DGKD: variants seen among roughly 807,000 people sequenced by gnomAD.
DGKD encodes the protein DAG kinase delta.
Under a neutral mutation model 154.4 loss-of-function variants are expected in DGKD, and 68 were observed. The ratio of observed to expected loss-of-function variants is 0.44; its 90% CI spans 0.36 to 0.54. The LOEUF is 0.54. Among genes scored for constraint, DGKD ranks in the 20% least tolerant of loss-of-function variants. The pLI is 0.00. For missense variants in DGKD, 1,343 were observed against 1,593.6 expected, an observed-to-expected ratio of 0.84 and a Z score of 2.68; for synonymous variants, 693 against 638.0, an observed-to-expected ratio of 1.09 and a Z score of -1.30.
At chr2:233,447,717 T>TTTC in intron 12 of DGKD, 1 of 1,086,448 alleles carries the variant, frequency 9.2e-7, no homozygotes, top group South Asian at 2.6e-5. Flanking sequence ...CACAGCCAGG[T>TTTC]GGAAACAGCC....
intron 3 of DGKD, among the ~76,000 whole-genome samples, chr2:233,415,243 A>C (rs563013714): frequency 6.6e-5 from 10 of 152,074 alleles, no homozygotes; most frequent in Non-Finnish European, 1.3e-4. Flanking sequence ...AGGACATGGG[A>C]CTCCTTAGCC....
intron 5 of DGKD, among the ~76,000 whole-genome samples, 196 bp from the exon 6 acceptor site, chr2:233,435,622 C>T (rs2062664108): frequency 6.6e-6 from 1 of 152,190 alleles, no homozygotes; most frequent in Admixed American, 6.5e-5. Flanking sequence ...CTTACTGATC[C>T]CCAGCTTTCC....
At position 233,457,059 on chromosome 2, in the gene DGKD, A is replaced by T. The variant is rs2063483518; in HGVS notation, c.2472+64A>T. 1 of 1,422,890 alleles carries T rather than the reference A, an allele frequency of 7.0e-7. No individual in the cohort carries two copies. Among genetic ancestry groups the T allele is most frequent in the Non-Finnish European group, 9.9e-7 (1 of 1,006,666 alleles). 88.1% of individuals were successfully genotyped at this position (1,422,890 alleles called of 1,614,324 possible). A position where few individuals can be genotyped will look rare whatever the true frequency, so the allele number is the denominator to read the frequency against. ...CATCCATCAGCAGACTGCCAGGCCT[A>T]TTGCTTCTCCTGTTGACCATTTCCT... On this transcript the variant is annotated intron_variant, in intron 20 of 29. Transcript: ENST00000264057. This position sits in a 1 kb window ranked among gnomAD's most constrained non-coding sequence, Gnocchi z 5.5.
intron 3 of DGKD, among the ~76,000 whole-genome samples, chr2:233,423,784 C>T (rs1455461661): frequency 6.6e-6 from 1 of 152,076 alleles, no homozygotes; most frequent in African/African-American, 2.4e-5. Context: ...CCTGGAAGAG[C>T]AGGCTTTTGT....
At chr2:233,392,974 A>G (rs1469184716) in intron 3 of DGKD, among the ~76,000 whole-genome samples, 1 of 152,204 alleles carries the variant, frequency 6.6e-6, no homozygotes, top group Non-Finnish European at 1.5e-5. Context: ...TTGTTTTTAA[A>G]GAGAACTAGT....
rs748734501 is a variant in DGKD, at chr2:233,460,238, C to T, written c.2874C>T (p.Cys958=). The change falls in exon 24 of 30, where the codon TGC becomes TGT. Residue 958 remains cysteine (C), a synonymous_variant. Transcript: ENST00000264057. ...TLKSWEDKQK[C]ELPRPPSCSL... is the part of the protein sequence containing the mutation. ...AGTCCTGGGAAGACAAGCAGAAGTG[C>T]GAGCTGCCCCGCCCTCCATCCTGTT... 20 of 1,613,836 alleles carry T rather than the reference C, an allele frequency of 1.2e-5. No homozygotes were observed. Among genetic ancestry groups the T allele is most frequent in the South Asian group, 2.2e-5 (2 of 91,074 alleles).
At position 233,468,475 on chromosome 2, in the gene DGKD, C is replaced by T. The variant is rs753189489; in HGVS notation, c.3477C>T (p.Leu1159=). ...EVAAWLEHLS[L]CEYKDIFTRH... ...CTGCCTGGCTGGAGCACCTCAGTCT[C>T]TGTGAGTATAAGGACATCTTCACAC... is the stretch of plus-strand genomic sequence containing the variant. The change falls in exon 29 of 30, where the codon CTC becomes CTT. Residue 1159 remains leucine, a synonymous_variant. Transcript: ENST00000264057. 1.9e-6 allele frequency: 3 copies of T among 1,613,618 alleles called. No homozygotes were observed. The highest frequency in any genetic ancestry group is 2.5e-6 in the Non-Finnish European group (3 of 1,179,938).
intron 1 of DGKD, among the ~76,000 whole-genome samples, chr2:233,367,244 G>A (rs947880461): frequency 1.8e-4 from 18 of 102,068 alleles, no homozygotes; most frequent in Non-Finnish European, 6.2e-5. Flanking sequence ...TTTTTTTTTT[G>A]TTCAGACAGA....
chr2:233,464,796 G>A (rs2124957736), intron 27 of DGKD, among the ~76,000 whole-genome samples: 1 of 152,356 alleles, frequency 6.6e-6, no homozygotes, highest in Non-Finnish European at 1.5e-5. Flanking sequence ...CTTCTGCAGG[G>A]AGTGCTGGCT....
chr2:233,424,339 A>C (rs1035957761), intron 3 of DGKD, among the ~76,000 whole-genome samples: 1 of 152,228 alleles, frequency 6.6e-6, no homozygotes, highest in African/African-American at 2.4e-5. Flanking sequence ...GCTGTGATTC[A>C]GCCTGATGTC....
At chr2:233,376,197 T>C (rs1428294989) in intron 1 of DGKD, among the ~76,000 whole-genome samples, 1 of 152,206 alleles carries the variant, frequency 6.6e-6, no homozygotes, top group African/African-American at 2.4e-5. Context: ...AAATTCACTT[T>C]CAGAAAAAGT....
intron 3 of DGKD, among the ~76,000 whole-genome samples, chr2:233,418,988 T>G (rs1164478248): frequency 6.6e-6 from 1 of 152,134 alleles, no homozygotes; most frequent in African/African-American, 2.4e-5. Flanking sequence ...TGAGGAAGTC[T>G]GTTGTCTACG....
intron 1 of DGKD, among the ~76,000 whole-genome samples, chr2:233,359,833 C>T (rs1053249860): frequency 2.0e-5 from 3 of 152,294 alleles, no homozygotes; most frequent in Admixed American, 2.0e-4. Flanking sequence ...ATTAATAAAA[C>T]AATCACACAG....
chr2:233,430,381 C>G (rs1441899683), intron 3 of DGKD, among the ~76,000 whole-genome samples: 2 of 152,142 alleles, frequency 1.3e-5, no homozygotes, highest in African/African-American at 4.8e-5. Context: ...GAGTACTGTG[C>G]CACTGTTGAA....
At position 233,441,959 on chromosome 2, in the gene DGKD, C is replaced by T. The variant is rs780818370; in HGVS notation, c.1158C>T (p.Val386=). The change falls in exon 10 of 30, where the codon GTC becomes GTT. Residue 386 remains valine, a synonymous_variant. Coordinates refer to ENST00000264057, the MANE Select transcript of DGKD (RefSeq NM_152879.3). The surrounding 1 kb of genome is among the most constrained non-coding windows in gnomAD (Gnocchi z 5.6). ...GCGGGGATGGAAGTGTTGGCTGGGTCCTCTCCGAAATCGACAGCCTCAACC... is the reference window on the plus strand; with the variant it reads ...GCGGGGATGGAAGTGTTGGCTGGGTTCTCTCCGAAATCGACAGCCTCAACC... ...VCGGDGSVGW[V]LSEIDSLNLH... is the part of the protein sequence containing the mutation. 16 of 1,613,936 alleles carry T rather than the reference C, an allele frequency of 9.9e-6. No homozygotes were observed. The highest frequency in any genetic ancestry group is 1.7e-5 in the Admixed American group (1 of 60,002).
At chr2:233,451,220 TA>T (rs1342212890) in intron 17 of DGKD, among the ~76,000 whole-genome samples, 170 bp downstream of exon 17, 2 of 146,332 alleles carry the variant, frequency 1.4e-5, no homozygotes, top group South Asian at 2.1e-4. Flanking sequence ...TTTTTTTTTT[TA>T]AAAACAAAAA....
Position 233,402,202 on chromosome 2 carries a change from G to A in DGKD, c.348+11719G>A, listed in dbSNP as rs1001516200. ...CATGGTGCTCAGGAAACTGCCATAT[G>A]CTTCTGTGGGACTGTGGTTCTCAAA... On this transcript the variant is annotated intron_variant, in intron 3 of 29. Coordinates refer to ENST00000264057, the MANE Select transcript of DGKD (RefSeq NM_152879.3). Among the ~76,000 whole-genome samples, 5 of 152,196 alleles carry A rather than the reference G, an allele frequency of 3.3e-5. 1 individual carries two copies. Among genetic ancestry groups the A allele is most frequent in the South Asian group, 2.1e-4 (1 of 4,830 alleles).
chr2:233,375,409 A>C (rs1484151997), intron 1 of DGKD, among the ~76,000 whole-genome samples: 1 of 152,178 alleles, frequency 6.6e-6, no homozygotes, highest in Admixed American at 6.5e-5. Context: ...AATAAAAAGT[A>C]ACCTCCAGCA....
Position 233,368,357 on chromosome 2 carries a change from A to G in DGKD, c.156+13683A>G, listed in dbSNP as rs56954784. On this transcript the variant is annotated intron_variant, in intron 1 of 29. Coordinates refer to ENST00000264057, the MANE Select transcript of DGKD (RefSeq NM_152879.3). ...AAACCCCATCTCTACTAAAAATACA[A>G]AAAAATTAGCTGGGCATCGTGGTGG... Among the ~76,000 whole-genome samples, 894 of 152,068 alleles carry G rather than the reference A, an allele frequency of 5.9e-3. 7 individuals carry two copies. The highest frequency in any genetic ancestry group is 0.02 in the African/African-American group (839 of 41,448).
Sources: gnomAD v4.1 joint callset for allele counts (sites outside exome capture counted in the v4.1 genomes callset) on GRCh38, gnomAD v4.1.1 for gene constraint, Gnocchi (gnomAD v3.1) non-coding constraint, MANE v1.5 for transcripts, NCBI Gene and HGNC (gene_info 2026-07-23, HGNC 2026-07-21) for gene names.